Variants in SHB observed in about 807,000 individuals in gnomAD.
The protein encoded by SHB is SH2 domain containing adaptor protein B, also known as SH2 domain-containing adapter protein B.
SHB carries 20 observed loss-of-function variants against 52.3 expected under a neutral mutation model. The observed-to-expected ratio is 0.38, with a 90% CI of 0.27 to 0.56. The LOEUF is 0.56. SHB is among the 20% of genes least tolerant of loss of function. The pLI is 0.71. For synonymous variants in SHB, 397 were observed against 316.5 expected, an observed-to-expected ratio of 1.25 and a Z score of -2.70; for missense variants, 825 against 723.3, an observed-to-expected ratio of 1.14 and a Z score of -1.61.
At chr9:38,012,488 C>T (rs1821152089) in intron 2 of SHB, among the ~76,000 whole-genome samples, 2 of 150,974 alleles carry the variant, frequency 1.3e-5, no homozygotes, top group Non-Finnish European at 2.9e-5. Context: ...TTACCAGCTG[C>T]CTCCCCGTTG....
chr9:38,015,923 G>A (rs1821203902), intron 2 of SHB, 88 bp downstream of exon 2: 1 of 1,365,132 alleles, frequency 7.3e-7, no homozygotes, highest in Admixed American at 1.9e-5. Flanking sequence ...CCCCAGTGAG[G>A]CTGGTTGGGG....
intron 4 of SHB, among the ~76,000 whole-genome samples, chr9:37,951,112 GA>G (rs1171036276): frequency 6.6e-6 from 1 of 151,902 alleles, no homozygotes; most frequent in African/African-American, 2.4e-5. Flanking sequence ...AAAACCCTAA[GA>G]AAAAAAATCA....
intron 3 of SHB, among the ~76,000 whole-genome samples, chr9:37,971,394 C>T (rs1301702312): frequency 2.6e-5 from 4 of 151,570 alleles, no homozygotes; most frequent in Non-Finnish European, 5.9e-5. Context: ...GGCCCACCCA[C>T]CTCTCCACTT....
At chr9:37,922,565 G>A (rs2118454328) in intron 5 of SHB, among the ~76,000 whole-genome samples, 1 of 152,342 alleles carries the variant, frequency 6.6e-6, no homozygotes, top group Non-Finnish European at 1.5e-5. Context: ...TATCTCGCCT[G>A]TGTAAGCACC....
At chr9:37,976,772 T>C (rs1284264329) in intron 2 of SHB, among the ~76,000 whole-genome samples, 3 of 152,222 alleles carry the variant, frequency 2.0e-5, no homozygotes, top group Non-Finnish European at 2.9e-5. Flanking sequence ...CAATGCTCTC[T>C]TGAGGTCTTC....
chr9:37,937,991 C>T (rs1032315584), intron 5 of SHB, among the ~76,000 whole-genome samples: 2 of 152,232 alleles, frequency 1.3e-5, no homozygotes, highest in African/African-American at 4.8e-5. Context: ...CCTGCCTTAA[C>T]ACTGGGATTT....
At chr9:37,957,015 TCTC>T (rs1245797564) in intron 3 of SHB, among the ~76,000 whole-genome samples, 3 of 152,166 alleles carry the variant, frequency 2.0e-5, no homozygotes, top group Non-Finnish European at 4.4e-5. Context: ...CCTGAGTTCT[TCTC>T]CTAAGCCTGC....
At chr9:38,045,646 C>G (rs1380538655) in intron 1 of SHB, among the ~76,000 whole-genome samples, 1 of 152,090 alleles carries the variant, frequency 6.6e-6, no homozygotes, top group Non-Finnish European at 1.5e-5. Flanking sequence ...AACAATTTGA[C>G]AACATATCAA....
chr9:37,998,059 T>C (rs1006953970), intron 2 of SHB, among the ~76,000 whole-genome samples: 1 of 152,212 alleles, frequency 6.6e-6, no homozygotes, highest in African/African-American at 2.4e-5. Context: ...TGCATTCTGC[T>C]GTGGTGGAGC....
chr9:37,940,618 C>G (rs1033722943), intron 5 of SHB, among the ~76,000 whole-genome samples: 11 of 152,194 alleles, frequency 7.2e-5, no homozygotes, highest in Admixed American at 7.2e-4. Flanking sequence ...TGCCCTGACT[C>G]AGGCTGGCTC....
chr9:37,990,134 C>A (rs1820865155), intron 2 of SHB, among the ~76,000 whole-genome samples: 1 of 152,178 alleles, frequency 6.6e-6, no homozygotes, highest in Non-Finnish European at 1.5e-5. Flanking sequence ...CTCATCTCCC[C>A]TGGTGGTCTG....
Position 38,068,414 on chromosome 9 carries a change from TG to T in SHB, c.231del (p.Ser78AlafsTer163). Reference sequence around the variant, plus strand: ...GCGCGGTAGGCGCGGATGAGGTCGCTGGTGCTGCCGCTGTCGTCGGGCAGCG... The same window carrying T: ...GCGCGGTAGGCGCGGATGAGGTCGCTGTGCTGCCGCTGTCGTCGGGCAGCG... ...SGSLPDDSGS[T>X]SDLIRAYRAQ... On this transcript the variant is annotated frameshift_variant, in exon 1 of 6. Coordinates refer to ENST00000377707, the MANE Select transcript of SHB (RefSeq NM_003028.3). LOFTEE classifies it high-confidence loss of function. 6.4e-7 allele frequency: 1 copy of T among 1,569,654 alleles called. No individual in the cohort carries two copies. The highest frequency in any genetic ancestry group is 8.6e-7 in the Non-Finnish European group (1 of 1,161,952).
chr9:37,935,670 G>C (rs1832360800), intron 5 of SHB, among the ~76,000 whole-genome samples: 1 of 152,120 alleles, frequency 6.6e-6, no homozygotes, highest in African/African-American at 2.4e-5. Flanking sequence ...TCTCCCCATT[G>C]TACAGATGCA....
intron 2 of SHB, among the ~76,000 whole-genome samples, chr9:37,995,165 G>A (rs967637229): frequency 5.3e-5 from 8 of 152,132 alleles, no homozygotes; most frequent in Non-Finnish European, 7.3e-5. Flanking sequence ...CAGCTGTCAC[G>A]TTACAGCTGC....
intron 1 of SHB, among the ~76,000 whole-genome samples, chr9:38,048,735 T>G (rs151096143): frequency 6.6e-6 from 1 of 152,354 alleles, no homozygotes; most frequent in African/African-American, 2.4e-5. Flanking sequence ...CAACTCAGCT[T>G]TTGTTGGCTG....
At chr9:38,024,998 G>C (rs767428335) in intron 1 of SHB, among the ~76,000 whole-genome samples, 9 of 152,200 alleles carry the variant, frequency 5.9e-5, no homozygotes, top group South Asian at 2.1e-4. Flanking sequence ...TGTGAGTGGG[G>C]ATGAACTTAG....
At chr9:37,937,806 G>A (rs1832390958) in intron 5 of SHB, among the ~76,000 whole-genome samples, 1 of 152,338 alleles carries the variant, frequency 6.6e-6, no homozygotes, top group African/African-American at 2.4e-5. Context: ...TCCAAAGGGT[G>A]ATAACCCTGG....
intron 2 of SHB, among the ~76,000 whole-genome samples, chr9:37,992,193 G>A (rs1564096364): frequency 1.3e-5 from 2 of 152,130 alleles, no homozygotes; most frequent in South Asian, 2.1e-4. Context: ...CTGAGGTCAG[G>A]AGTTCGAGAC....
intron 1 of SHB, among the ~76,000 whole-genome samples, chr9:38,059,493 C>T (rs1209416430): frequency 1.3e-5 from 2 of 152,118 alleles, no homozygotes; most frequent in Non-Finnish European, 2.9e-5. Flanking sequence ...CTTCCTGCCT[C>T]GGGAGTTAGG....
Sources: allele counts gnomAD v4.1 joint callset (sites outside exome capture counted in the v4.1 genomes callset), GRCh38; gene constraint gnomAD v4.1.1; transcripts MANE v1.5; gene names NCBI Gene and HGNC (gene_info 2026-07-23, HGNC 2026-07-21).